The following NTRK1 variants were observed in gnomAD, a reference collection of about 807,000 sequenced individuals.
The protein encoded by NTRK1 is high affinity nerve growth factor receptor.
Under a neutral mutation model 86.8 loss-of-function variants are expected in NTRK1, and 62 were observed. The observed-to-expected ratio is 0.71, with a 90% CI of 0.58 to 0.88. The LOEUF (loss-of-function observed/expected upper bound fraction) is 0.88, where lower values mean the gene tolerates loss of function less well. Ranked by LOEUF, NTRK1 falls within the 40% of genes least tolerant of loss-of-function variation. The pLI is 0.00. For missense variants in NTRK1, 967 were observed against 1,078.4 expected (o/e 0.90, Z 1.45); for synonymous variants, 469 against 456.6 (o/e 1.03, Z -0.35).
At chr1:156,881,388 C>G (rs2102930134) in intron 16 of NTRK1, 69 bp from the exon 17 acceptor site, 1 of 1,487,760 alleles carries the variant, frequency 6.7e-7, no homozygotes, top group Non-Finnish European at 9.1e-7. Context: ...AGTGAGGGCA[C>G]TGGGACTGGC....
chr1:156,847,647 C>A (rs934846699), intron 2 of NTRK1, among the ~76,000 whole-genome samples: 1 of 151,156 alleles, frequency 6.6e-6, no homozygotes. Flanking sequence ...GACCTATAAG[C>A]AGGATAGTCC....
intron 2 of NTRK1, chr1:156,853,837 C>T: frequency 7.4e-6 from 12 of 1,613,966 alleles, no homozygotes; most frequent in Non-Finnish European, 1.0e-5. Flanking sequence ...CAGCAGCACC[C>T]AGCACACCAG....
intron 1 of NTRK1, among the ~76,000 whole-genome samples, chr1:156,821,481 G>A (rs1174572602): frequency 2.6e-5 from 4 of 151,600 alleles, no homozygotes; most frequent in Non-Finnish European, 4.4e-5. Flanking sequence ...GTGTGTGTGT[G>A]TGTGTGTGTG....
intron 1 of NTRK1, among the ~76,000 whole-genome samples, chr1:156,833,260 T>TA (rs1290506889): frequency 1.3e-5 from 2 of 152,238 alleles, no homozygotes; most frequent in Admixed American, 6.5e-5. Context: ...TTTTTTGTGT[T>TA]AAAGTGTATG....
At chr1:156,845,162 C>T (rs1314258343) in intron 2 of NTRK1, 1 of 1,611,480 alleles carries the variant, frequency 6.2e-7, no homozygotes, top group East Asian at 2.2e-5. Context: ...GATGTCGATC[C>T]GGTATTCCGT....
At chr1:156,855,212 T>TATCTATCTATC (rs60194471) in intron 2 of NTRK1, among the ~76,000 whole-genome samples, 4,931 of 28,250 alleles carry the variant, frequency 0.17, 84 homozygotes, top group Middle Eastern at 0.25. Flanking sequence ...ATCTATCTAT[T>TATCTATCTATC]TATTTATTTG....
rs6334 is a variant in NTRK1 at position 156,876,441 on chromosome 1, G to C, written c.1674G>C (p.Gln558His). ...EASESARQDF[Q>H]REAELLTMLQ... is the part of the protein sequence containing the mutation. Reference sequence around the variant, plus strand: ...CCGAGAGTGCTCGGCAGGACTTCCAGCGTGAGGCTGAGCTGCTCACCATGC... The same window carrying C: ...CCGAGAGTGCTCGGCAGGACTTCCACCGTGAGGCTGAGCTGCTCACCATGC... Residue 558 changes from glutamine to histidine, a missense_variant, in exon 14 of 17, where the codon CAG (glutamine) becomes CAC (histidine). By Grantham distance (24) the Gln-to-His change is conservative (BLOSUM62 0). Around this residue, in one of 2 missense-constraint regions of NTRK1, gnomAD observed 637 missense variants for 776.5 expected, o/e 0.82. Transcript: ENST00000524377. The C allele has an allele frequency of 6.2e-7, 1 of 1,613,706 alleles. No homozygotes were observed. The highest frequency in any genetic ancestry group is 1.3e-5 in the African/African-American group (1 of 75,022).
intron 4 of NTRK1, among the ~76,000 whole-genome samples, chr1:156,867,821 C>T (rs1196232312): frequency 6.6e-6 from 1 of 151,794 alleles, no homozygotes; most frequent in Non-Finnish European, 1.5e-5. Flanking sequence ...CTACAGGTGC[C>T]CGCCACCATG....
At chr1:156,871,600 C>T (rs1252736207) in intron 6 of NTRK1, 23 bp from the exon 7 acceptor site, 14 of 1,612,564 alleles carry the variant, frequency 8.7e-6, no homozygotes, top group Non-Finnish European at 1.1e-5. Context: ...CCTTCTTATT[C>T]CCCCCTCTCT....
At chr1:156,877,780 TG>T (rs1378496127) in intron 14 of NTRK1, among the ~76,000 whole-genome samples, 1 of 152,182 alleles carries the variant, frequency 6.6e-6, no homozygotes, top group Admixed American at 6.5e-5. Flanking sequence ...AACATCCCTT[TG>T]GGAGTGATGG....
At chr1:156,845,541 A>ACCCC in intron 2 of NTRK1, 2 of 1,288,360 alleles carry the variant, frequency 1.6e-6, no homozygotes, top group Non-Finnish European at 2.1e-6. Context: ...CCACCCACAA[A>ACCCC]CCCCACCCCT....
intron 15 of NTRK1, 79 bp downstream of exon 15, chr1:156,879,441 G>A (rs1022689605): frequency 9.9e-6 from 15 of 1,517,476 alleles, no homozygotes; most frequent in Admixed American, 1.8e-5. Context: ...CTGAGAGCCT[G>A]CCCTTGCTAG....
At chr1:156,842,361 C>A in intron 2 of NTRK1, 1 of 1,612,976 alleles carries the variant, frequency 6.2e-7, no homozygotes, top group Middle Eastern at 1.6e-4. Context: ...CTGTGCCCAA[C>A]CCTTCTTTCA....
chr1:156,868,524 C>G lies in NTRK1; in HGVS notation c.594C>G (p.Val198=). The G allele has an allele frequency of 6.4e-7, 1 of 1,559,130 alleles. No individual in the cohort carries two copies. The highest frequency in any genetic ancestry group is 8.7e-7 in the Non-Finnish European group (1 of 1,151,218). Residue 198 remains valine (V), a synonymous_variant, in exon 6 of 17, where the codon GTC becomes GTG. Coordinates refer to ENST00000524377, the MANE Select transcript of NTRK1 (RefSeq NM_002529.4). ...NASCGVPTLK[V]QVPNASVDVG... ...GGCCAGGTGTGCCCACGCTGAAGGT[C>G]CAGGTGCCCAATGCCTCGGTGGATG...
Position 156,881,582 on chromosome 1 carries a change from G to T in NTRK1, c.2331G>T (p.Val777=). The change falls in exon 17 of 17, where the codon GTG becomes GTT. Residue 777 remains valine, a synonymous_variant. Coordinates refer to ENST00000524377, the MANE Select transcript of NTRK1 (RefSeq NM_002529.4). ...AGCAACGCCACAGCATCAAGGATGTGCACGCCCGGCTGCAAGCCCTGGCCC... is the reference window on the plus strand; with the variant it reads ...AGCAACGCCACAGCATCAAGGATGTTCACGCCCGGCTGCAAGCCCTGGCCC... ...EPQQRHSIKD[V]HARLQALAQA... 1 of 1,611,538 alleles carries T rather than the reference G, an allele frequency of 6.2e-7. No individual in the cohort carries two copies. Among genetic ancestry groups the T allele is most frequent in the Non-Finnish European group, 8.5e-7 (1 of 1,179,250 alleles).
intron 2 of NTRK1, 44 bp from the exon 3 acceptor site, chr1:156,864,684 A>G: frequency 1.2e-6 from 2 of 1,601,892 alleles, no homozygotes; most frequent in Non-Finnish European, 1.7e-6. Context: ...AGGGGCCCAG[A>G]GTAGCTGAGA....
intron 2 of NTRK1, chr1:156,849,483 GCTCTGC>G: frequency 7.3e-7 from 1 of 1,373,030 alleles, no homozygotes; most frequent in Non-Finnish European, 1.0e-6. Flanking sequence ...AGGGGACCTT[GCTCTGC>G]GGGGAGGTGG....
chr1:156,864,609 G>T, intron 2 of NTRK1, 119 bp from the exon 3 acceptor site: 1 of 1,204,262 alleles, frequency 8.3e-7, no homozygotes, highest in Non-Finnish European at 1.2e-6. Context: ...GAAACAATGA[G>T]GGGCCTGAGG....
intron 2 of NTRK1, chr1:156,845,054 G>A: frequency 6.3e-7 from 1 of 1,590,592 alleles, no homozygotes; most frequent in Non-Finnish European, 8.6e-7. Context: ...GGGGGTAGAA[G>A]GTGTGTGTGT....
Sources: allele counts gnomAD v4.1 joint callset (sites outside exome capture counted in the v4.1 genomes callset), GRCh38; gene constraint gnomAD v4.1.1; regional missense constraint gnomAD v4.1.1; transcripts MANE v1.5; gene names NCBI Gene and HGNC (gene_info 2026-07-23, HGNC 2026-07-21).